PALM2AKAP2: variants seen among roughly 807,000 people sequenced by gnomAD.
The protein encoded by PALM2AKAP2 is PALM2 and AKAP2 fusion.
Under a neutral mutation model 71.5 loss-of-function variants are expected in PALM2AKAP2, and 37 were observed. The observed-to-expected ratio is 0.52, with a 90% CI of 0.40 to 0.68. PALM2AKAP2 has a LOEUF of 0.68. PALM2AKAP2 is among the 30% of genes least tolerant of loss of function. PALM2AKAP2 has a pLI of 0.00. For missense variants in PALM2AKAP2, 1,224 were observed against 1,191.8 expected (o/e 1.03, Z -0.40); for synonymous variants, 468 against 478.8 (o/e 0.98, Z 0.29).
chr9:109,670,304 G>C (rs1827555058), intron 1 of PALM2AKAP2, among the ~76,000 whole-genome samples: 1 of 151,996 alleles, frequency 6.6e-6, no homozygotes, highest in Admixed American at 6.6e-5. Context: ...AGTGCGTGTT[G>C]TTCCCCTCTA....
chr9:110,029,323 T>C (rs1833238684), intron 7 of PALM2AKAP2, among the ~76,000 whole-genome samples: 1 of 152,126 alleles, frequency 6.6e-6, no homozygotes, highest in South Asian at 2.1e-4. Flanking sequence ...TTTCTGCAGA[T>C]AGCTTCATCA....
intron 1 of PALM2AKAP2, among the ~76,000 whole-genome samples, chr9:109,813,981 T>C (rs1827790125): frequency 6.6e-6 from 1 of 152,246 alleles, no homozygotes; most frequent in Non-Finnish European, 1.5e-5. Context: ...TTTTGGCACT[T>C]ATCACTCCCA....
At chr9:109,661,389 CAGTTTTCCCAGCACCATTTATTTA>C (rs1201363835) in intron 1 of PALM2AKAP2, among the ~76,000 whole-genome samples, 1 of 152,182 alleles carries the variant, frequency 6.6e-6, no homozygotes, top group African/African-American at 2.4e-5. Context: ...TTTGACTAGC[CAGTTTTCCCAGCACCATTTATTTA>C]ATAGGGAATC....
At chr9:110,158,363 G>T (rs1394866009) in intron 3 of PALM2AKAP2, among the ~76,000 whole-genome samples, 3 of 152,216 alleles carry the variant, frequency 2.0e-5, no homozygotes, top group Non-Finnish European at 4.4e-5. Flanking sequence ...GGATGGGGAA[G>T]AACAAGTAGA....
chr9:109,903,792 A>AT (rs759047872), intron 3 of PALM2AKAP2, among the ~76,000 whole-genome samples: 3,413 of 141,208 alleles, frequency 0.024, 93 homozygotes, highest in African/African-American at 0.072. Context: ...GATTTTCTGG[A>AT]TTTTTTTTTT....
chr9:109,962,475 G>A (rs1055759792), intron 6 of PALM2AKAP2, among the ~76,000 whole-genome samples: 1 of 151,906 alleles, frequency 6.6e-6, no homozygotes, highest in East Asian at 1.9e-4. Flanking sequence ...GAGTAGTTGG[G>A]AAAAAAATCA....
At chr9:109,936,100 T>C (rs1266741015) in intron 6 of PALM2AKAP2, among the ~76,000 whole-genome samples, 1 of 152,250 alleles carries the variant, frequency 6.6e-6, no homozygotes, top group Admixed American at 6.5e-5. Context: ...CAATTTTTTA[T>C]TGATACATAA....
At chr9:110,088,172 C>G (rs1237978601) in intron 1 of PALM2AKAP2, among the ~76,000 whole-genome samples, 1 of 134,540 alleles carries the variant, frequency 7.4e-6, no homozygotes, top group Non-Finnish European at 1.5e-5. Flanking sequence ...GCTCAAGGGA[C>G]TGGTTACAGA....
At chr9:109,663,462 A>T (rs1169841037) in intron 1 of PALM2AKAP2, among the ~76,000 whole-genome samples, 1 of 152,212 alleles carries the variant, frequency 6.6e-6, no homozygotes, top group Non-Finnish European at 1.5e-5. Context: ...GTCATTCAGG[A>T]GCAAGTTGTT....
chr9:109,948,519 T>A (rs912556719), intron 6 of PALM2AKAP2, among the ~76,000 whole-genome samples: 1 of 152,216 alleles, frequency 6.6e-6, no homozygotes, highest in Non-Finnish European at 1.5e-5. Context: ...TGTTCTCTTT[T>A]ACTAACCAGG....
chr9:109,921,381 T>C (rs1830825525), intron 3 of PALM2AKAP2, among the ~76,000 whole-genome samples: 1 of 152,208 alleles, frequency 6.6e-6, no homozygotes. Flanking sequence ...TTTACCAGCA[T>C]CCCTGGCCTC....
At chr9:109,912,678 G>A (rs745311276) in intron 3 of PALM2AKAP2, among the ~76,000 whole-genome samples, 22 of 152,086 alleles carry the variant, frequency 1.4e-4, no homozygotes, top group Non-Finnish European at 1.8e-4. Context: ...TGATAGATAG[G>A]ACAGATAGAT....
Position 109,677,528 on chromosome 9 carries a change from C to T in PALM2AKAP2, c.5+36662C>T, listed in dbSNP as rs183884392. On this transcript the variant is annotated intron_variant, in intron 1 of 6. Transcript: ENST00000374531. The stretch of plus-strand genomic sequence containing the variant: ...ACTAAAAATACAAAACTCAGCTAGG[C>T]GCAGTGGCGGGCACCTGTAATCCAA... Among the ~76,000 whole-genome samples the T allele has an allele frequency of 1.0e-3, 153 of 152,140 alleles. 2 individuals are homozygous for T. Among genetic ancestry groups the T allele is most frequent in the Admixed American group, 4.6e-3 (71 of 15,278 alleles).
chr9:110,105,876 T>C (rs958891072), intron 1 of PALM2AKAP2, among the ~76,000 whole-genome samples: 1 of 152,220 alleles, frequency 6.6e-6, no homozygotes, highest in Non-Finnish European at 1.5e-5. Flanking sequence ...TAATGTCTTT[T>C]GGAATTAAAT....
chr9:109,678,667 T>C (rs1827683462), intron 1 of PALM2AKAP2, among the ~76,000 whole-genome samples: 1 of 152,120 alleles, frequency 6.6e-6, no homozygotes, highest in African/African-American at 2.4e-5. Flanking sequence ...AGAGACAAGG[T>C]ACAGACAGAG....
intron 1 of PALM2AKAP2, among the ~76,000 whole-genome samples, chr9:109,687,227 T>C (rs1827818939): frequency 6.6e-6 from 1 of 152,170 alleles, no homozygotes; most frequent in Non-Finnish European, 1.5e-5. Flanking sequence ...ACCAGCTATA[T>C]TAGCCCCCAA....
intron 1 of PALM2AKAP2, among the ~76,000 whole-genome samples, chr9:109,709,814 T>C (rs1008577539): frequency 6.6e-6 from 1 of 152,204 alleles, no homozygotes; most frequent in Non-Finnish European, 1.5e-5. Flanking sequence ...CTGCTCTTCC[T>C]TCAGGTGTAT....
At chr9:109,840,844 C>A (rs957159687) in intron 1 of PALM2AKAP2, among the ~76,000 whole-genome samples, 1 of 152,032 alleles carries the variant, frequency 6.6e-6, no homozygotes, top group Non-Finnish European at 1.5e-5. Flanking sequence ...GTTAGAATGG[C>A]GATCATTAAA....
intron 1 of PALM2AKAP2, among the ~76,000 whole-genome samples, chr9:109,732,649 A>G (rs1255714346): frequency 1.3e-5 from 2 of 152,212 alleles, no homozygotes; most frequent in Non-Finnish European, 2.9e-5. Flanking sequence ...ATTACCTTCT[A>G]GTTGGGGAAA....
Sources: allele counts gnomAD v4.1 joint callset (sites outside exome capture counted in the v4.1 genomes callset), GRCh38; gene constraint gnomAD v4.1.1; transcripts MANE v1.5; gene names NCBI Gene and HGNC (gene_info 2026-07-23, HGNC 2026-07-21).